COX10: variants seen among roughly 807,000 people sequenced by gnomAD.
COX10 encodes the protein cytochrome c oxidase assembly factor heme A:farnesyltransferase COX10.
In COX10, 27 loss-of-function variants were observed where a neutral mutation model predicts 37.3. That is an observed-to-expected ratio of 0.72 (90% CI 0.53 to 1.00). COX10 has a LOEUF of 1.00. Among genes scored for constraint, COX10 ranks in the 50% least tolerant of loss-of-function variants. The probability of loss-of-function intolerance (pLI) is 0.00; values close to 1 mark genes in which losing one functional copy is unlikely to be tolerated. For synonymous variants in COX10, 222 were observed against 229.1 expected (o/e 0.97, Z 0.28); for missense variants, 475 against 563.2 (o/e 0.84, Z 1.59).
At chr17:14,121,778 A>G (rs943429393) in intron 4 of COX10, among the ~76,000 whole-genome samples, 1 of 152,184 alleles carries the variant, frequency 6.6e-6, no homozygotes, top group Admixed American at 6.5e-5. Context: ...TCTCTGGCTT[A>G]TGTGGTGGAA....
At position 14,102,381 on chromosome 17, in the gene COX10, T is replaced by G. The variant is rs574769830; in HGVS notation, c.624+139T>G. ...ACACTATATATCCTATAGGAGCCTGTGGGTTTCATAACCAATTTGTCTTTT... is the reference window on the plus strand; with the variant it reads ...ACACTATATATCCTATAGGAGCCTGGGGGTTTCATAACCAATTTGTCTTTT... On this transcript the variant is annotated intron_variant, in intron 4 of 6. Transcript: ENST00000261643. The G allele has an allele frequency of 1.4e-5, 19 of 1,319,082 alleles. No individual in the cohort carries two copies. In the African/African-American group the frequency reaches 2.8e-4, roughly 19 times the overall value. The allele number at this position is 1,319,082 out of a possible 1,614,324, so 81.7% of individuals were successfully genotyped here.
intron 4 of COX10, among the ~76,000 whole-genome samples, chr17:14,153,257 C>CA (rs1904954945): frequency 6.6e-6 from 1 of 152,202 alleles, no homozygotes; most frequent in South Asian, 2.1e-4. Context: ...CTCTTACAAC[C>CA]AAAAAATCAC....
chr17:14,180,312 A>G (rs1388889342), intron 5 of COX10, among the ~76,000 whole-genome samples: 5 of 152,204 alleles, frequency 3.3e-5, no homozygotes, highest in Non-Finnish European at 7.3e-5. Flanking sequence ...GTGAAGTGGC[A>G]GGAAGAACAA....
chr17:14,159,824 A>T, intron 4 of COX10, 53 bp from the exon 5 acceptor site: 1 of 1,396,918 alleles, frequency 7.2e-7, no homozygotes, highest in Non-Finnish European at 1.0e-6. Context: ...AAAGCGGAAG[A>T]AAAGAATTGT....
At position 14,192,041 on chromosome 17, in the gene COX10, A is replaced by T. The variant is rs1361824920; in HGVS notation, c.748A>T (p.Ile250Phe). ...TTGTTGTGCTGTTCCGGGAGTTGCC[A>T]TTCTGACCTTGGGGGTGAATCCACT... ...ATCCAVPGVA[I>F]LTLGVNPLTG... The change falls in exon 6 of 7, where the codon ATT becomes TTT. Residue 250 changes from isoleucine (I) to phenylalanine (F), a missense_variant. Ile to Phe is a conservative substitution (Grantham distance 21). Transcript: ENST00000261643. The T allele has an allele frequency of 1.2e-6, 2 of 1,614,058 alleles. No individual in the cohort carries two copies. Among genetic ancestry groups the T allele is most frequent in the Non-Finnish European group, 1.7e-6 (2 of 1,180,052 alleles).
intron 3 of COX10, among the ~76,000 whole-genome samples, chr17:14,078,333 A>G (rs941241673): frequency 6.6e-6 from 1 of 152,198 alleles, no homozygotes; most frequent in East Asian, 1.9e-4. Context: ...TAGGCATCAG[A>G]TGTGGCCTCT....
intron 1 of COX10, among the ~76,000 whole-genome samples, chr17:14,073,296 A>G (rs553995843): frequency 1.3e-3 from 203 of 152,344 alleles, no homozygotes; most frequent in Non-Finnish European, 2.5e-3. Context: ...GATCTGACCT[A>G]TATTTCAGAG....
In COX10 at chr17:14,172,587, T is replaced by C. The variant is rs1393454240; in HGVS notation, c.695+12640T>C. Among the ~76,000 whole-genome samples the C allele has an allele frequency of 2.7e-5, 4 of 145,860 alleles. No homozygotes were observed. In the South Asian group the frequency reaches 8.8e-4, roughly 32 times the overall value. The stretch of plus-strand genomic sequence containing the variant: ...TTCTTTTTTTCTTTTTCTTTTTTTT[T>C]TTTTTTTTTTTGAGACAGGTCTTGC... On this transcript the variant is annotated intron_variant, in intron 5 of 6. Transcript: ENST00000261643.
intron 1 of COX10, among the ~76,000 whole-genome samples, chr17:14,071,613 G>A (rs1915023142): frequency 6.6e-6 from 1 of 151,678 alleles, no homozygotes; most frequent in Admixed American, 6.6e-5. Flanking sequence ...GCCGGGCGCA[G>A]TAGCTTACAC....
intron 4 of COX10, among the ~76,000 whole-genome samples, chr17:14,108,775 A>G (rs567378889): frequency 1.6e-4 from 25 of 152,318 alleles, no homozygotes; most frequent in African/African-American, 5.3e-4. Context: ...AAAACAGGTA[A>G]AGATTTTTTT....
intron 5 of COX10, chr17:14,179,127 T>C (rs1256084257): frequency 3.8e-6 from 1 of 262,074 alleles, no homozygotes; most frequent in Non-Finnish European, 5.9e-6. Context: ...ATTTACCAAG[T>C]CTTAATTTCG....
At chr17:14,116,072 T>C (rs1389462014) in intron 4 of COX10, among the ~76,000 whole-genome samples, 2 of 152,176 alleles carry the variant, frequency 1.3e-5, no homozygotes, top group Admixed American at 6.6e-5. Context: ...TTAATGGCAA[T>C]GTAAAAGTTA....
intron 5 of COX10, among the ~76,000 whole-genome samples, chr17:14,170,338 C>T (rs1025660723): frequency 3.9e-5 from 6 of 152,234 alleles, no homozygotes; most frequent in African/African-American, 1.4e-4. Flanking sequence ...AACTTGGTGA[C>T]TGGAAAAAGC....
chr17:14,102,107 C>G lies in COX10; in HGVS notation c.500-11C>G, dbSNP rs1316375013. On this transcript the variant is annotated splice_polypyrimidine_tract_variant and intron_variant, in intron 3 of 6. Coordinates refer to ENST00000261643, the MANE Select transcript of COX10 (RefSeq NM_001303.4). ...TGGTAACAGTGTGTCTGCTCTGTTTCTGTATCGCAGCTCTGGTTGTAAGTA... is the reference window on the plus strand; with the variant it reads ...TGGTAACAGTGTGTCTGCTCTGTTTGTGTATCGCAGCTCTGGTTGTAAGTA... The G allele has an allele frequency of 1.2e-6, 2 of 1,613,448 alleles. No homozygotes were observed. The highest frequency in any genetic ancestry group is 3.3e-5 in the Admixed American group (2 of 59,962).
chr17:14,167,533 C>T lies in COX10; in HGVS notation c.695+7586C>T, dbSNP rs567312924. 9.2e-4 allele frequency among the ~76,000 whole-genome samples: 140 copies of T among 152,240 alleles called. 1 individual carries two copies. Among genetic ancestry groups the T allele is most frequent in the Middle Eastern group, 3.4e-3 (1 of 292 alleles). ...GTTGGGCAGTGTATTAGTTCATTTTCGCACTGATATAAAGAACTACCTGAG... is the reference window on the plus strand; with the variant it reads ...GTTGGGCAGTGTATTAGTTCATTTTTGCACTGATATAAAGAACTACCTGAG... On this transcript the variant is annotated intron_variant, in intron 5 of 6. Coordinates refer to ENST00000261643, the MANE Select transcript of COX10 (RefSeq NM_001303.4).
intron 6 of COX10, among the ~76,000 whole-genome samples, chr17:14,206,349 C>T (rs1183805288): frequency 2.0e-5 from 3 of 152,142 alleles, no homozygotes; most frequent in African/African-American, 7.2e-5. Context: ...GGAAATGGAG[C>T]TCAGCGCTCC....
chr17:14,101,688 G>A (rs1470028027), intron 3 of COX10, among the ~76,000 whole-genome samples: 3 of 152,150 alleles, frequency 2.0e-5, no homozygotes, highest in Non-Finnish European at 4.4e-5. Flanking sequence ...ACAGACTTGG[G>A]ATCCTTGTTA....
chr17:14,206,682 C>T (rs879088846), intron 6 of COX10, 128 bp from the exon 7 acceptor site: 9 of 1,186,902 alleles, frequency 7.6e-6, no homozygotes, highest in East Asian at 4.7e-5. Context: ...AGGCAGGCAG[C>T]GATGAGAGCA....
intron 5 of COX10, among the ~76,000 whole-genome samples, chr17:14,162,820 C>T (rs1188456311): frequency 3.3e-5 from 5 of 152,034 alleles, no homozygotes; most frequent in Non-Finnish European, 5.9e-5. Flanking sequence ...GAGTTAGGTG[C>T]GATGAAGGCA....
Sources: gnomAD v4.1 joint callset for allele counts (sites outside exome capture counted in the v4.1 genomes callset) on GRCh38, gnomAD v4.1.1 for gene constraint, MANE v1.5 for transcripts, NCBI Gene and HGNC (gene_info 2026-07-23, HGNC 2026-07-21) for gene names.